The following UST variants were observed in gnomAD, a reference collection of about 807,000 sequenced individuals.
UST encodes the protein chondroitin sulfate 2-O-sulfotransferase.
Under a neutral mutation model 45.6 loss-of-function variants are expected in UST, and 21 were observed. The observed-to-expected ratio is 0.46, with a 90% confidence interval of 0.33 to 0.66. The LOEUF (loss-of-function observed/expected upper bound fraction) is 0.66, where lower values mean the gene tolerates loss of function less well. Ranked by LOEUF, UST falls within the 30% of genes least tolerant of loss-of-function variation. The pLI is 0.02. For synonymous variants in UST, 215 were observed against 200.6 expected, an observed-to-expected ratio of 1.07 and a Z score of -0.61; for missense variants, 463 against 512.4, an observed-to-expected ratio of 0.90 and a Z score of 0.93.
intron 2 of UST, among the ~76,000 whole-genome samples, chr6:148,928,329 A>G (rs1352347314): frequency 6.6e-6 from 1 of 152,246 alleles, no homozygotes; most frequent in Non-Finnish European, 1.5e-5. Context: ...CAGAAGTTTT[A>G]TATCCATCCA....
chr6:148,835,704 G>C (rs1319651778), intron 1 of UST, among the ~76,000 whole-genome samples: 2 of 152,114 alleles, frequency 1.3e-5, no homozygotes, highest in African/African-American at 2.4e-5. Context: ...CATGACTTGT[G>C]GGGGGCTTTA....
At chr6:149,012,803 TTAAA>T (rs767287636) in intron 5 of UST, among the ~76,000 whole-genome samples, 1 of 87,222 alleles carries the variant, frequency 1.1e-5, no homozygotes, top group Admixed American at 1.1e-4. Context: ...GAGTCACTAT[TTAAA>T]AAAAAAAAAA....
chr6:148,813,932 C>T (rs1440330403), intron 1 of UST, among the ~76,000 whole-genome samples: 2 of 152,092 alleles, frequency 1.3e-5, no homozygotes, highest in African/African-American at 2.4e-5. Context: ...AGTCCACACC[C>T]CCCCTTTGCC....
At chr6:148,913,042 C>CA (rs1779507391) in intron 2 of UST, among the ~76,000 whole-genome samples, 1 of 152,196 alleles carries the variant, frequency 6.6e-6, no homozygotes, top group African/African-American at 2.4e-5. Flanking sequence ...TCACTTCACA[C>CA]AGCAAAGTTT....
At position 148,964,570 on chromosome 6, in the gene UST, C is replaced by T. The variant is rs1562314837; in HGVS notation, c.681+7C>T. On this transcript the variant is annotated splice_region_variant and intron_variant, in intron 5 of 7. Coordinates refer to ENST00000367463, the MANE Select transcript of UST (RefSeq NM_005715.3). ...GCAGGAGGAGCGCTACCTGGTAAGT[C>T]CTGTCGCATGCAAAAGGCGGTCTCC... 6.2e-7 allele frequency: 1 copy of T among 1,612,964 alleles called. No individual in the cohort carries two copies.
At chr6:148,757,510 T>G (rs1776120159) in intron 1 of UST, among the ~76,000 whole-genome samples, 1 of 152,220 alleles carries the variant, frequency 6.6e-6, no homozygotes. Flanking sequence ...GAACAGAGTT[T>G]AACCTAGAAC....
At chr6:148,774,294 A>G (rs1024228345) in intron 1 of UST, among the ~76,000 whole-genome samples, 2 of 149,352 alleles carry the variant, frequency 1.3e-5, no homozygotes, top group Non-Finnish European at 3.0e-5. Context: ...ATATATAAAA[A>G]TATAATGAAT....
chr6:148,912,911 G>A (rs1779504470), intron 2 of UST, among the ~76,000 whole-genome samples: 1 of 152,210 alleles, frequency 6.6e-6, no homozygotes, highest in Non-Finnish European at 1.5e-5. Context: ...TCAGTTATCA[G>A]TGGTAATGTG....
At chr6:149,049,236 C>T (rs1776443294) in intron 7 of UST, among the ~76,000 whole-genome samples, 1 of 152,016 alleles carries the variant, frequency 6.6e-6, no homozygotes, top group South Asian at 2.1e-4. Context: ...GATAGTTTAC[C>T]ATTGCACAAT....
At chr6:148,946,549 T>C (rs1327953744) in intron 3 of UST, among the ~76,000 whole-genome samples, 3 of 128,058 alleles carry the variant, frequency 2.3e-5, no homozygotes, top group Non-Finnish European at 4.9e-5. Context: ...CGGTGGCTCA[T>C]ACCTGTAATC....
At position 149,074,176 on chromosome 6, in the gene UST, A is replaced by G; in HGVS notation, c.*60A>G. Reference sequence around the variant, plus strand: ...TTTCCAGAAAGTTCTTTGTTTGGGGAAGTAAAATCCTTAAGGGACTAAATT... The same window carrying G: ...TTTCCAGAAAGTTCTTTGTTTGGGGGAGTAAAATCCTTAAGGGACTAAATT... On this transcript the variant is annotated 3_prime_UTR_variant, in exon 8 of 8. Coordinates refer to ENST00000367463, the MANE Select transcript of UST (RefSeq NM_005715.3). 6.4e-7 allele frequency: 1 copy of G among 1,565,002 alleles called. No individual in the cohort carries two copies. Among genetic ancestry groups the G allele is most frequent in the Non-Finnish European group, 8.7e-7 (1 of 1,148,708 alleles).
At chr6:148,801,227 C>T (rs1777053301) in intron 1 of UST, among the ~76,000 whole-genome samples, 1 of 151,748 alleles carries the variant, frequency 6.6e-6, no homozygotes, top group Admixed American at 6.6e-5. Context: ...TATTTTATAG[C>T]TTTGATTTAA....
intron 1 of UST, among the ~76,000 whole-genome samples, chr6:148,848,694 C>T (rs999809584): frequency 5.9e-5 from 9 of 151,350 alleles, no homozygotes; most frequent in Non-Finnish European, 1.3e-4. Context: ...AATGATTACA[C>T]TATTCTAATA....
At chr6:149,046,887 T>C (rs1461122642) in intron 7 of UST, among the ~76,000 whole-genome samples, 1 of 152,238 alleles carries the variant, frequency 6.6e-6, no homozygotes, top group African/African-American at 2.4e-5. Context: ...AAGTGTGGCA[T>C]GAGGACTCTA....
intron 2 of UST, among the ~76,000 whole-genome samples, chr6:148,904,790 A>G (rs1252035562): frequency 2.0e-5 from 3 of 152,188 alleles, no homozygotes; most frequent in Non-Finnish European, 2.9e-5. Context: ...AAGTGCTAAG[A>G]TAACAGGTGT....
chr6:148,842,957 C>T (rs1222846731), intron 1 of UST, among the ~76,000 whole-genome samples: 4 of 152,230 alleles, frequency 2.6e-5, no homozygotes, highest in African/African-American at 7.2e-5. Flanking sequence ...ATAAAGAACA[C>T]GCCTATGTAA....
chr6:148,816,349 G>T (rs1363482880), intron 1 of UST, among the ~76,000 whole-genome samples: 1 of 152,190 alleles, frequency 6.6e-6, no homozygotes, highest in East Asian at 1.9e-4. Flanking sequence ...GAGACAAGTG[G>T]ATTATGCAAA....
At chr6:148,971,993 G>A (rs1183354185) in intron 5 of UST, among the ~76,000 whole-genome samples, 1 of 152,222 alleles carries the variant, frequency 6.6e-6, no homozygotes, top group Non-Finnish European at 1.5e-5. Flanking sequence ...TCAACCATGT[G>A]CAAAGAGCAG....
intron 1 of UST, among the ~76,000 whole-genome samples, chr6:148,758,381 T>C (rs560847055): frequency 6.6e-6 from 1 of 152,354 alleles, no homozygotes; most frequent in Non-Finnish European, 1.5e-5. Context: ...GTTTTGAATT[T>C]ATCCACACTA....
Sources: gnomAD v4.1 joint callset for allele counts (sites outside exome capture counted in the v4.1 genomes callset) on GRCh38, gnomAD v4.1.1 for gene constraint, MANE v1.5 for transcripts, NCBI Gene and HGNC (gene_info 2026-07-23, HGNC 2026-07-21) for gene names.